Variants in PIGB observed in about 807,000 individuals in gnomAD.
PIGB encodes the protein phosphatidylinositol glycan anchor biosynthesis class B, also known as GPI alpha-1,2-mannosyltransferase 3.
PIGB carries 58 observed loss-of-function variants against 68.4 expected under a neutral mutation model. The ratio of observed to expected loss-of-function variants is 0.85; its 90% CI spans 0.69 to 1.06. The LOEUF (loss-of-function observed/expected upper bound fraction) is 1.06, where lower values mean the gene tolerates loss of function less well. Among genes scored for constraint, PIGB ranks in the 50% least tolerant of loss-of-function variants. The pLI is 0.00. For synonymous variants in PIGB, 219 were observed against 220.5 expected, an observed-to-expected ratio of 0.99 and a Z score of 0.06; for missense variants, 634 against 655.8, an observed-to-expected ratio of 0.97 and a Z score of 0.36.
At chr15:55,322,975 T>G (rs1464674656) in intron 3 of PIGB, among the ~76,000 whole-genome samples, 1 of 152,074 alleles carries the variant, frequency 6.6e-6, no homozygotes, top group East Asian at 1.9e-4. Flanking sequence ...ATAGAAAAAT[T>G]TCCTGCTCCT....
chr15:55,339,402 T>A, intron 7 of PIGB, 84 bp downstream of exon 7: 1 of 828,496 alleles, frequency 1.2e-6, no homozygotes, highest in Non-Finnish European at 1.9e-6. Context: ...ATTTTTTAAA[T>A]GATATGGGAT....
At chr15:55,321,559 T>C (rs2055163186) in intron 3 of PIGB, among the ~76,000 whole-genome samples, 169 bp downstream of exon 3, 1 of 151,908 alleles carries the variant, frequency 6.6e-6, no homozygotes, top group African/African-American at 2.4e-5. Flanking sequence ...CATGAAAATA[T>C]CCTGCTATGA....
chr15:55,343,958 A>G (rs1266721607), intron 9 of PIGB, among the ~76,000 whole-genome samples: 2 of 152,198 alleles, frequency 1.3e-5, no homozygotes, highest in East Asian at 1.9e-4. Flanking sequence ...CTGGACATTT[A>G]GAACAGTTCT....
intron 9 of PIGB, among the ~76,000 whole-genome samples, chr15:55,345,985 G>C (rs1178215682): frequency 6.6e-6 from 1 of 151,460 alleles, no homozygotes; most frequent in African/African-American, 2.5e-5. Context: ...ATGTGGTAGG[G>C]ATTTTTTTTC....
chr15:55,330,472 C>T (rs1451276638), intron 5 of PIGB, among the ~76,000 whole-genome samples: 4 of 152,114 alleles, frequency 2.6e-5, no homozygotes, highest in South Asian at 2.1e-4. Flanking sequence ...ACAAATACCA[C>T]GCAATGGGAA....
At chr15:55,344,037 A>T (rs1178265669) in intron 9 of PIGB, among the ~76,000 whole-genome samples, 1 of 152,204 alleles carries the variant, frequency 6.6e-6, no homozygotes, top group Admixed American at 6.5e-5. Flanking sequence ...CTTGAGTTAT[A>T]CCACAAATTT....
chr15:55,344,153 T>A (rs1464561760), intron 9 of PIGB, among the ~76,000 whole-genome samples: 2 of 152,252 alleles, frequency 1.3e-5, no homozygotes, highest in Non-Finnish European at 2.9e-5. Flanking sequence ...CTGTAGTGGC[T>A]TAAAACTCCA....
chr15:55,336,022 A>G, intron 6 of PIGB, among the ~76,000 whole-genome samples: 1 of 135,096 alleles, frequency 7.4e-6, no homozygotes, highest in South Asian at 2.3e-4. Flanking sequence ...TCTGCTCTCA[A>G]AGTCAAAGTC....
At chr15:55,320,119 G>C in intron 1 of PIGB, 156 bp from the exon 2 acceptor site, 1 of 523,984 alleles carries the variant, frequency 1.9e-6, no homozygotes, top group South Asian at 3.8e-5. Context: ...TGTGGTGCTT[G>C]TATAACCAAC....
At chr15:55,342,067 G>C (rs1183861352) in intron 9 of PIGB, among the ~76,000 whole-genome samples, 1 of 152,158 alleles carries the variant, frequency 6.6e-6, no homozygotes. Context: ...TGAGGCAGGA[G>C]GATCACCTGA....
intron 10 of PIGB, among the ~76,000 whole-genome samples, chr15:55,354,373 G>A (rs2056018545): frequency 6.6e-6 from 1 of 151,904 alleles, no homozygotes; most frequent in South Asian, 2.1e-4. Context: ...AAAGGGAAGA[G>A]AGAAAGAATC....
chr15:55,345,619 T>C (rs2055775428), intron 9 of PIGB, among the ~76,000 whole-genome samples: 1 of 152,092 alleles, frequency 6.6e-6, no homozygotes, highest in Non-Finnish European at 1.5e-5. Flanking sequence ...ATTAGCTGGG[T>C]GTGGTGGCAC....
chr15:55,352,201 G>T (rs904471950), intron 10 of PIGB, among the ~76,000 whole-genome samples: 1 of 151,908 alleles, frequency 6.6e-6, no homozygotes, highest in Non-Finnish European at 1.5e-5. Context: ...GCCCACCTCA[G>T]CCTCCCCAAA....
chr15:55,341,152 G>A (rs765763570), intron 8 of PIGB, among the ~76,000 whole-genome samples: 1 of 151,742 alleles, frequency 6.6e-6, no homozygotes, highest in Non-Finnish European at 1.5e-5. Flanking sequence ...CTTGAAGCAA[G>A]GAGTTCATGA....
At chr15:55,327,757 A>G (rs897932901) in intron 4 of PIGB, 122 bp downstream of exon 4, 8 of 680,250 alleles carry the variant, frequency 1.2e-5, no homozygotes, top group African/African-American at 9.2e-5. Context: ...TTATAGAGGT[A>G]CTTCCATAAA....
intron 2 of PIGB, 134 bp from the exon 3 acceptor site, chr15:55,321,139 C>A: frequency 1.8e-6 from 1 of 560,280 alleles, no homozygotes; most frequent in Non-Finnish European, 3.0e-6. Context: ...GTGGTGTGCA[C>A]CTGTAGAGGC....
intron 3 of PIGB, among the ~76,000 whole-genome samples, chr15:55,321,639 CTTCTTTCT>C (rs1566946182): frequency 7.5e-6 from 1 of 132,990 alleles, no homozygotes; most frequent in African/African-American, 2.8e-5. Flanking sequence ...TAGAAGTATA[CTTCTTTCT>C]TTTTTTTTTT....
intron 10 of PIGB, among the ~76,000 whole-genome samples, chr15:55,353,617 T>C (rs1429681297): frequency 6.6e-6 from 1 of 152,148 alleles, no homozygotes; most frequent in African/African-American, 2.4e-5. Context: ...CTTTTTTTTG[T>C]TTTGAGACAG....
At chr15:55,346,114 T>A (rs1345370194) in intron 9 of PIGB, among the ~76,000 whole-genome samples, 1 of 152,226 alleles carries the variant, frequency 6.6e-6, no homozygotes, top group Non-Finnish European at 1.5e-5. Flanking sequence ...AAGGAACGTA[T>A]TAGTGATTGC....
Sources: allele counts gnomAD v4.1 joint callset (sites outside exome capture counted in the v4.1 genomes callset), GRCh38; gene constraint gnomAD v4.1.1; transcripts MANE v1.5; gene names NCBI Gene and HGNC (gene_info 2026-07-23, HGNC 2026-07-21).